CEP104: variants seen among roughly 807,000 people sequenced by gnomAD.
The protein encoded by CEP104 is centrosomal protein of 104 kDa.
In CEP104, 84 loss-of-function variants were observed where a neutral mutation model predicts 113.3. That is an observed-to-expected ratio of 0.74 (90% CI 0.62 to 0.89). The LOEUF (loss-of-function observed/expected upper bound fraction) is 0.89, where lower values mean the gene tolerates loss of function less well. CEP104 is among the 40% of genes least tolerant of loss of function. The pLI is 0.00. For synonymous variants in CEP104, 378 were observed against 421.7 expected (o/e 0.90, Z 1.27); for missense variants, 1,053 against 1,156.6 (o/e 0.91, Z 1.30).
At chr1:3,828,025 C>G (rs958808362) in intron 15 of CEP104, among the ~76,000 whole-genome samples, 1 of 152,150 alleles carries the variant, frequency 6.6e-6, no homozygotes, top group Non-Finnish European at 1.5e-5. Context: ...TAGGCGACCC[C>G]GGGACAGACA....
At chr1:3,845,010 G>A (rs1458628483) in intron 5 of CEP104, 27 bp from the exon 6 acceptor site, 2 of 1,570,700 alleles carry the variant, frequency 1.3e-6, no homozygotes, top group Admixed American at 3.3e-5. Flanking sequence ...TCTGCTTAGT[G>A]TCTCAGAGAG....
intron 6 of CEP104, among the ~76,000 whole-genome samples, chr1:3,841,810 C>A (rs1273053212): frequency 1.3e-5 from 2 of 152,216 alleles, no homozygotes; most frequent in East Asian, 1.9e-4. Flanking sequence ...AAGTCTAAAT[C>A]AAAATAACAG....
intron 17 of CEP104, among the ~76,000 whole-genome samples, 196 bp downstream of exon 17, chr1:3,826,174 T>C (rs560119218): frequency 6.6e-6 from 1 of 152,326 alleles, no homozygotes; most frequent in South Asian, 2.1e-4. Flanking sequence ...AGAAAGGATA[T>C]TTTAAGTTAC....
intron 15 of CEP104, among the ~76,000 whole-genome samples, chr1:3,827,069 T>G (rs987745256): frequency 1.3e-5 from 2 of 151,968 alleles, no homozygotes; most frequent in Non-Finnish European, 2.9e-5. Flanking sequence ...GGAGGATCAC[T>G]TGAGCCTGGG....
At position 3,837,211 on chromosome 1, in the gene CEP104, T is replaced by C. The variant is rs556895859; in HGVS notation, c.1119+81A>G. On this transcript the variant is annotated intron_variant, in intron 9 of 21. Transcript: ENST00000378230. ...GGGGAGCACTCATGCACCCCATGCA[T>C]GGGAACAGCACCTGGCACAACACAT... 10 of 1,202,362 alleles carry C rather than the reference T, an allele frequency of 8.3e-6. No individual in the cohort carries two copies. The East Asian group carries it at 2.3e-4, about 28-fold the overall frequency. The allele number at this position is 1,202,362 out of a possible 1,614,324, so 74.5% of individuals were successfully genotyped here.
At chr1:3,821,632 C>T (rs567414062) in intron 20 of CEP104, among the ~76,000 whole-genome samples, 157 of 152,266 alleles carry the variant, frequency 1.0e-3, no homozygotes, top group Non-Finnish European at 1.8e-3. Context: ...ACGCGCCTCC[C>T]GGGGGACACA....
chr1:3,835,852 C>G (rs560867635), intron 10 of CEP104, among the ~76,000 whole-genome samples: 42 of 152,052 alleles, frequency 2.8e-4, no homozygotes, highest in Middle Eastern at 3.4e-3. Flanking sequence ...TTTGCTGTTT[C>G]ACATAATTTA....
At position 3,852,410 on chromosome 1, in the gene CEP104, T is replaced by G; in HGVS notation, c.-3A>C. ...ACAAATCCAATCTTGTGGGGCATTC[T>G]GCACGTTTGGGCTGTTTATAAGAGC... is the stretch of plus-strand genomic sequence containing the variant. On this transcript the variant is annotated 5_prime_UTR_variant, in exon 2 of 22. Coordinates refer to ENST00000378230, the MANE Select transcript of CEP104 (RefSeq NM_014704.4). 11 of 1,613,434 alleles carry G rather than the reference T, an allele frequency of 6.8e-6. No homozygotes were observed. The highest frequency in any genetic ancestry group is 9.3e-6 in the Non-Finnish European group (11 of 1,179,702).
chr1:3,816,029 T>A, intron 21 of CEP104: 1 of 450,066 alleles, frequency 2.2e-6, no homozygotes, highest in South Asian at 3.7e-5. Context: ...AGGACGGGAG[T>A]GTGAATCCTA....
chr1:3,847,645 A>C (rs756250115), intron 3 of CEP104, 32 bp from the exon 4 acceptor site: 2 of 1,613,110 alleles, frequency 1.2e-6, no homozygotes, highest in East Asian at 4.5e-5. Context: ...AAGAATTTGA[A>C]AATGTGCTGT....
chr1:3,833,773 A>G, intron 12 of CEP104, 89 bp downstream of exon 12: 5 of 1,251,728 alleles, frequency 4.0e-6, no homozygotes, highest in Non-Finnish European at 4.6e-6. Context: ...GAGTAGAGAC[A>G]GAATCTTGTA....
At position 3,814,986 on chromosome 1, in the gene CEP104, C is replaced by A; in HGVS notation, c.*416G>T. The A allele has an allele frequency of 5.9e-6, 1 of 168,174 alleles. No individual in the cohort carries two copies. The highest frequency in any genetic ancestry group is 1.3e-5 in the Non-Finnish European group (1 of 76,404). The allele number at this position is 168,174 out of a possible 1,614,324, so 10.4% of individuals were successfully genotyped here. ...AAATTCTACTGCGTGTGGCAGAGAC[C>A]GATGTGCAAAAGGTTTCTGGTGAAT... On this transcript the variant is annotated 3_prime_UTR_variant, in exon 22 of 22. Transcript: ENST00000378230.
intron 20 of CEP104, 195 bp downstream of exon 20, chr1:3,822,979 G>A: frequency 1.6e-6 from 1 of 620,040 alleles, no homozygotes; most frequent in Non-Finnish European, 2.9e-6. Flanking sequence ...TAAATGTACG[G>A]AAGGAAATCA....
chr1:3,843,290 C>T (rs1644445682), intron 6 of CEP104: 1 of 686,018 alleles, frequency 1.5e-6, no homozygotes, highest in South Asian at 1.6e-5. Flanking sequence ...CCTTTAGCTC[C>T]CCAAAAGTGG....
At chr1:3,834,210 G>C (rs985535697) in intron 11 of CEP104, among the ~76,000 whole-genome samples, 175 bp from the exon 12 acceptor site, 1 of 152,224 alleles carries the variant, frequency 6.6e-6, no homozygotes, top group Non-Finnish European at 1.5e-5. Context: ...CTTGCATATA[G>C]AGGACATATG....
intron 2 of CEP104, among the ~76,000 whole-genome samples, chr1:3,851,633 TAATC>T (rs765172782): frequency 9.2e-5 from 14 of 152,006 alleles, no homozygotes; most frequent in Non-Finnish European, 2.1e-4. Flanking sequence ...TTTAGGAAAA[TAATC>T]AAGCAAAACA....
At chr1:3,836,462 C>T in intron 10 of CEP104, 33 bp downstream of exon 10, 1 of 1,540,766 alleles carries the variant, frequency 6.5e-7, no homozygotes, top group Non-Finnish European at 8.8e-7. Flanking sequence ...TCCCCTCTGC[C>T]ACCCCGTTTT....
At chr1:3,852,214 C>G in intron 2 of CEP104, 81 bp downstream of exon 2, 1 of 1,365,280 alleles carries the variant, frequency 7.3e-7, no homozygotes, top group African/African-American at 1.5e-5. Context: ...ATCTGAGGCT[C>G]TGAATGAAAG....
chr1:3,841,607 A>T (rs1350575426), intron 6 of CEP104, among the ~76,000 whole-genome samples: 1 of 152,208 alleles, frequency 6.6e-6, no homozygotes, highest in Non-Finnish European at 1.5e-5. Flanking sequence ...GTGGGGTGCC[A>T]TCTACCCACT....
Sources: allele counts gnomAD v4.1 joint callset (sites outside exome capture counted in the v4.1 genomes callset), GRCh38; gene constraint gnomAD v4.1.1; transcripts MANE v1.5; gene names NCBI Gene and HGNC (gene_info 2026-07-23, HGNC 2026-07-21).